The following RGSL1 variants were observed in gnomAD, a reference collection of about 807,000 sequenced individuals.
The protein encoded by RGSL1 is regulator of G protein signaling like 1.
RGSL1 carries 97 observed loss-of-function variants against 124.7 expected under a neutral mutation model. The ratio of observed to expected loss-of-function variants is 0.78; its 90% CI spans 0.66 to 0.92. The LOEUF is 0.92. Ranked by LOEUF, RGSL1 falls within the 40% of genes least tolerant of loss-of-function variation. The pLI is 0.00. For missense variants in RGSL1, 1,233 were observed against 1,288.4 expected, an observed-to-expected ratio of 0.96 and a Z score of 0.66; for synonymous variants, 424 against 438.1, an observed-to-expected ratio of 0.97 and a Z score of 0.40.
At chr1:182,466,938 C>T (rs1328209376) in intron 4 of RGSL1, among the ~76,000 whole-genome samples, 1 of 152,110 alleles carries the variant, frequency 6.6e-6, no homozygotes, top group Non-Finnish European at 1.5e-5. Flanking sequence ...CAGCAATCAA[C>T]ACAGTGTGGT....
chr1:182,468,203 GT>G (rs1183791302), intron 4 of RGSL1, among the ~76,000 whole-genome samples: 2 of 152,236 alleles, frequency 1.3e-5, no homozygotes, highest in African/African-American at 4.8e-5. Context: ...GTGGAAGTCA[GT>G]GTGGTGATTC....
chr1:182,530,750 GT>G, intron 12 of RGSL1, 39 bp from the exon 13 acceptor site: 1 of 1,488,772 alleles, frequency 6.7e-7, no homozygotes, highest in South Asian at 1.3e-5. Context: ...TATGTGCCAG[GT>G]TTTTGCCCTG....
intron 10 of RGSL1, among the ~76,000 whole-genome samples, chr1:182,525,864 G>A (rs75134804): frequency 8.0e-6 from 1 of 124,672 alleles, no homozygotes; most frequent in Non-Finnish European, 1.8e-5. Flanking sequence ...TGACCACGGG[G>A]AAAAAAGATG....
At chr1:182,475,054 C>A (rs1571518267) in intron 6 of RGSL1, among the ~76,000 whole-genome samples, 1 of 152,306 alleles carries the variant, frequency 6.6e-6, no homozygotes, top group African/African-American at 2.4e-5. Flanking sequence ...TCCCCCAAAT[C>A]AGCCAAAAAT....
At chr1:182,526,620 T>C (rs562218833) in intron 10 of RGSL1, among the ~76,000 whole-genome samples, 16 of 152,314 alleles carry the variant, frequency 1.1e-4, no homozygotes, top group African/African-American at 3.8e-4. Context: ...TTCAGTGAGC[T>C]GTGTTCGTGT....
At chr1:182,506,000 A>G (rs764157012) in intron 9 of RGSL1, among the ~76,000 whole-genome samples, 19 of 152,146 alleles carry the variant, frequency 1.2e-4, no homozygotes, top group Non-Finnish European at 2.8e-4. Context: ...TATTGCTCTT[A>G]CTAGGTCTTC....
Position 182,474,231 on chromosome 1 carries a change from T to C in RGSL1, c.1120T>C (p.Leu374=). 6.4e-7 allele frequency: 1 copy of C among 1,551,928 alleles called. No individual in the cohort carries two copies. The highest frequency in any genetic ancestry group is 2.4e-5 in the East Asian group (1 of 40,922). ...SFSLGYIHLA[L]CADACAGNPF... is the part of the protein sequence containing the mutation. ...CTCCTTAGGATACATCCACTTGGCC[T>C]TGTGTGCTGATGCCTGTGCAGGGAA... Residue 374 remains leucine, a synonymous_variant, in exon 6 of 22, where the codon TTG becomes CTG. Coordinates refer to ENST00000294854, the MANE Select transcript of RGSL1 (RefSeq NM_001137669.2).
chr1:182,462,544 A>G (rs187704246), intron 4 of RGSL1, among the ~76,000 whole-genome samples: 9 of 152,330 alleles, frequency 5.9e-5, no homozygotes, highest in Admixed American at 5.2e-4. Context: ...TATATGTTTT[A>G]AAAGAATAAC....
At chr1:182,449,172 C>T (rs1651645134), upstream of RGSL1, 2 of 152,082 alleles carry the variant, frequency 1.3e-5, no homozygotes, top group Non-Finnish European at 2.9e-5. Context: ...GTATGGTAAG[C>T]TACAATCTCA....
chr1:182,555,777 T>G (rs929055285), intron 20 of RGSL1: 2 of 490,534 alleles, frequency 4.1e-6, no homozygotes, highest in Non-Finnish European at 7.3e-6. Flanking sequence ...CCCGTCCCAG[T>G]GCCCAGAAGA....
At chr1:182,450,261 C>A in intron 1 of RGSL1, 83 bp downstream of exon 1, 1 of 1,493,318 alleles carries the variant, frequency 6.7e-7, no homozygotes, top group Non-Finnish European at 9.1e-7. Context: ...GTTAATAGAT[C>A]TGAGCCATTC....
chr1:182,468,155 T>TC (rs1653506330), intron 4 of RGSL1, among the ~76,000 whole-genome samples: 1 of 152,184 alleles, frequency 6.6e-6, no homozygotes, highest in Non-Finnish European at 1.5e-5. Flanking sequence ...TAGGAACACT[T>TC]TACGCTGTTG....
intron 9 of RGSL1, among the ~76,000 whole-genome samples, chr1:182,520,363 C>A (rs1658244430): frequency 6.6e-6 from 1 of 152,124 alleles, no homozygotes; most frequent in Admixed American, 6.5e-5. Flanking sequence ...TGAGAATCTG[C>A]CAAAAGCTCT....
At chr1:182,528,652 C>T (rs933117867) in intron 11 of RGSL1, among the ~76,000 whole-genome samples, 1 of 152,168 alleles carries the variant, frequency 6.6e-6, no homozygotes, top group African/African-American at 2.4e-5. Context: ...AAATGATTTC[C>T]TTTGACTTCA....
At chr1:182,559,571 G>A (rs895412136) in intron 21 of RGSL1, among the ~76,000 whole-genome samples, 1 of 152,128 alleles carries the variant, frequency 6.6e-6, no homozygotes, top group Non-Finnish European at 1.5e-5. Flanking sequence ...CACACACTGA[G>A]AACAAATCTG....
chr1:182,451,143 CAAAAAAAA>C (rs569488586), intron 1 of RGSL1, among the ~76,000 whole-genome samples: 2 of 105,076 alleles, frequency 1.9e-5, no homozygotes, highest in African/African-American at 7.1e-5. Context: ...GAGACTTTGG[CAAAAAAAA>C]AAAAAAAAAA....
At chr1:182,449,227 C>T (rs1651647784), upstream of RGSL1, 1 of 152,184 alleles carries the variant, frequency 6.6e-6, no homozygotes, top group African/African-American at 2.4e-5. Flanking sequence ...AGAATCTCTT[C>T]TCACTAAAAT....
At chr1:182,479,582 G>A (rs1654541827) in intron 6 of RGSL1, among the ~76,000 whole-genome samples, 2 of 152,122 alleles carry the variant, frequency 1.3e-5, no homozygotes, top group Admixed American at 6.5e-5. Flanking sequence ...TAGAGAAAGA[G>A]AGGGAAGAAG....
At chr1:182,470,398 C>T (rs10911082) in intron 4 of RGSL1, among the ~76,000 whole-genome samples, 24,626 of 151,928 alleles carry the variant, frequency 0.16, 2,443 homozygotes, top group Middle Eastern at 0.26. Flanking sequence ...CATTCCATTC[C>T]AGTCACATTG....
Sources: gnomAD v4.1 joint callset for allele counts (sites outside exome capture counted in the v4.1 genomes callset) on GRCh38, gnomAD v4.1.1 for gene constraint, MANE v1.5 for transcripts, NCBI Gene and HGNC (gene_info 2026-07-23, HGNC 2026-07-21) for gene names.